Variants in ST6GALNAC3 observed in about 807,000 individuals in gnomAD.
ST6GALNAC3 encodes the protein ST6 N-acetylgalactosaminide alpha-2,6-sialyltransferase 3, also known as alpha-N-acetylgalactosaminide alpha-2,6-sialyltransferase 3.
A neutral mutation model predicts 32.7 loss-of-function variants in ST6GALNAC3; 25 were observed. The observed-to-expected ratio is 0.76, with a 90% CI of 0.56 to 1.07. The LOEUF is 1.07. Among genes scored for constraint, ST6GALNAC3 ranks in the 50% least tolerant of loss-of-function variants. The pLI is 0.00. For synonymous variants in ST6GALNAC3, 129 were observed against 133.1 expected, an observed-to-expected ratio of 0.97 and a Z score of 0.21; for missense variants, 355 against 382.4, an observed-to-expected ratio of 0.93 and a Z score of 0.60.
At chr1:76,171,720 C>G (rs1652512378) in intron 1 of ST6GALNAC3, among the ~76,000 whole-genome samples, 1 of 151,172 alleles carries the variant, frequency 6.6e-6, no homozygotes, top group African/African-American at 2.4e-5. Context: ...ACACATACAC[C>G]CTACCAAGAC....
At chr1:76,521,398 G>A (rs1662528753) in intron 3 of ST6GALNAC3, among the ~76,000 whole-genome samples, 1 of 151,970 alleles carries the variant, frequency 6.6e-6, no homozygotes, top group African/African-American at 2.4e-5. Flanking sequence ...GATTGATAGA[G>A]AGCCTCACTA....
rs1571248181 is a variant in ST6GALNAC3 at position 76,444,745 on chromosome 1, AG to A, written c.623+32329del. Among the ~76,000 whole-genome samples, 3 of 152,252 alleles carry A rather than the reference AG, an allele frequency of 2.0e-5. No homozygotes were observed. In the East Asian group the frequency reaches 5.8e-4, roughly 30 times the overall value. On this transcript the variant is annotated intron_variant, in intron 3 of 4. Coordinates refer to ENST00000328299, the MANE Select transcript of ST6GALNAC3 (RefSeq NM_152996.4). ...AGGAACAGCTTCTAACAGTGAGAAG[AG>A]TAACATTAAGGAACCCTCTCTGCTC...
At chr1:76,527,673 G>T (rs1276899475) in intron 3 of ST6GALNAC3, among the ~76,000 whole-genome samples, 1 of 152,054 alleles carries the variant, frequency 6.6e-6, no homozygotes, top group African/African-American at 2.4e-5. Flanking sequence ...GGGAGGGAAA[G>T]GAACTGAGAA....
chr1:76,456,284 T>A (rs936265625), intron 3 of ST6GALNAC3, among the ~76,000 whole-genome samples: 3 of 152,232 alleles, frequency 2.0e-5, no homozygotes, highest in Non-Finnish European at 4.4e-5. Context: ...GAAACTCATA[T>A]ATGACAGCTA....
At chr1:76,434,713 G>A (rs1656008587) in intron 3 of ST6GALNAC3, among the ~76,000 whole-genome samples, 1 of 149,500 alleles carries the variant, frequency 6.7e-6, no homozygotes, top group Non-Finnish European at 1.5e-5. Context: ...ACAATTAGCT[G>A]ATATTTGTAT....
At chr1:76,473,051 T>C (rs1349667091) in intron 3 of ST6GALNAC3, among the ~76,000 whole-genome samples, 3 of 152,072 alleles carry the variant, frequency 2.0e-5, no homozygotes, top group Non-Finnish European at 4.4e-5. Flanking sequence ...TCTCTAAGGC[T>C]GAGGCTAAAG....
intron 3 of ST6GALNAC3, among the ~76,000 whole-genome samples, chr1:76,524,541 G>A (rs1413247428): frequency 6.6e-6 from 1 of 152,078 alleles, no homozygotes; most frequent in Non-Finnish European, 1.5e-5. Flanking sequence ...CTTAGCATAT[G>A]TAATCATATA....
intron 3 of ST6GALNAC3, among the ~76,000 whole-genome samples, chr1:76,453,068 GA>G (rs1657523953): frequency 6.6e-6 from 1 of 152,118 alleles, no homozygotes; most frequent in South Asian, 2.1e-4. Context: ...TATGCGCATA[GA>G]AATGTTCATG....
intron 1 of ST6GALNAC3, among the ~76,000 whole-genome samples, chr1:76,138,127 G>C (rs1200149594): frequency 2.0e-5 from 3 of 152,214 alleles, no homozygotes; most frequent in African/African-American, 4.8e-5. Flanking sequence ...AGACCTAACA[G>C]TCTAGTGAAG....
At chr1:76,413,096 G>T (rs555961955) in intron 3 of ST6GALNAC3, 2 of 216,120 alleles carry the variant, frequency 9.3e-6, no homozygotes, top group South Asian at 5.7e-5. Context: ...ACTACACTTC[G>T]CACTTTTTTC....
chr1:76,378,668 C>CAAA (rs60471587), intron 2 of ST6GALNAC3, among the ~76,000 whole-genome samples: 1 of 147,964 alleles, frequency 6.8e-6, no homozygotes, highest in Admixed American at 6.7e-5. Flanking sequence ...TTCCCCCCCC[C>CAAA]AAAAAAAAAA....
chr1:76,345,039 A>G (rs1437532371), intron 2 of ST6GALNAC3, among the ~76,000 whole-genome samples: 2 of 152,086 alleles, frequency 1.3e-5, no homozygotes, highest in Non-Finnish European at 2.9e-5. Context: ...TGTGGCTTAC[A>G]AGGGACATCT....
At chr1:76,328,520 G>C (rs1228330244) in intron 2 of ST6GALNAC3, among the ~76,000 whole-genome samples, 1 of 152,142 alleles carries the variant, frequency 6.6e-6, no homozygotes, top group Non-Finnish European at 1.5e-5. Flanking sequence ...TCAAAATAGT[G>C]CTCTTTTATG....
chr1:76,287,155 A>G (rs1197722681), intron 1 of ST6GALNAC3, among the ~76,000 whole-genome samples: 1 of 152,208 alleles, frequency 6.6e-6, no homozygotes, highest in Non-Finnish European at 1.5e-5. Context: ...GAACTTGGGA[A>G]AATAGTCTTG....
chr1:76,367,719 A>G (rs1402854758), intron 2 of ST6GALNAC3, among the ~76,000 whole-genome samples: 1 of 152,118 alleles, frequency 6.6e-6, no homozygotes, highest in East Asian at 1.9e-4. Context: ...GAGGGTTTCT[A>G]ATATGGCTTG....
At chr1:76,216,584 G>C (rs1487177233) in intron 1 of ST6GALNAC3, among the ~76,000 whole-genome samples, 1 of 152,180 alleles carries the variant, frequency 6.6e-6, no homozygotes. Flanking sequence ...TGTGGGTACA[G>C]TGACCACTTT....
At chr1:76,275,906 A>G (rs1471103262) in intron 1 of ST6GALNAC3, among the ~76,000 whole-genome samples, 1 of 152,210 alleles carries the variant, frequency 6.6e-6, no homozygotes, top group East Asian at 1.9e-4. Context: ...GCGGTTCAAC[A>G]GTGTCATCAA....
chr1:76,489,793 G>A (rs1021079795), intron 3 of ST6GALNAC3, among the ~76,000 whole-genome samples: 2 of 152,294 alleles, frequency 1.3e-5, no homozygotes, highest in Admixed American at 6.5e-5. Flanking sequence ...GGGAAGAAAA[G>A]TGGATAGGAC....
Position 76,498,727 on chromosome 1 carries a change from G to GA in ST6GALNAC3, c.623+86322dup, listed in dbSNP as rs55682036. On this transcript the variant is annotated intron_variant, in intron 3 of 4. Coordinates refer to ENST00000328299, the MANE Select transcript of ST6GALNAC3 (RefSeq NM_152996.4). ...GCCTCCTTTGATTCGCAACAAAGCAGAAAAAAAAAAAACGGAGAAGAAATT... is the reference window on the plus strand; with the variant it reads ...GCCTCCTTTGATTCGCAACAAAGCAGAAAAAAAAAAAAACGGAGAAGAAATT... 7.7e-3 allele frequency among the ~76,000 whole-genome samples: 1,101 copies of GA among 143,060 alleles called. 14 individuals are homozygous for GA. Among genetic ancestry groups the GA allele is most frequent in the African/African-American group, 0.024 (895 of 37,306 alleles). The allele number at this position is 143,060 out of a possible 152,430, so 93.9% of individuals were successfully genotyped here.
Sources: gnomAD v4.1 joint callset for allele counts (sites outside exome capture counted in the v4.1 genomes callset) on GRCh38, gnomAD v4.1.1 for gene constraint, MANE v1.5 for transcripts, NCBI Gene and HGNC (gene_info 2026-07-23, HGNC 2026-07-21) for gene names.